Variants in RRP1 observed in about 807,000 individuals in gnomAD.
RRP1 encodes the protein ribosomal RNA processing 1.
Under a neutral mutation model 54.6 loss-of-function variants are expected in RRP1, and 37 were observed. The observed-to-expected ratio is 0.68, with a 90% CI of 0.52 to 0.89. RRP1 has a LOEUF of 0.89. RRP1 is among the 40% of genes least tolerant of loss of function. The pLI is 0.00. For synonymous variants in RRP1, 262 were observed against 244.3 expected, an observed-to-expected ratio of 1.07 and a Z score of -0.67; for missense variants, 639 against 612.5, an observed-to-expected ratio of 1.04 and a Z score of -0.46.
chr21:43,792,785 T>G lies in RRP1; in HGVS notation c.274+56T>G. 4.4e-6 allele frequency: 7 copies of G among 1,573,474 alleles called. No individual in the cohort carries two copies. The South Asian group carries it at 7.8e-5, about 17-fold the overall frequency. On this transcript the variant is annotated intron_variant, in intron 3 of 12. Coordinates refer to ENST00000497547, the MANE Select transcript of RRP1 (RefSeq NM_003683.6). ...TTGTAGATGTCAGAACCTCTGAGCA[T>G]CAGAGCCACCAGACCCAGGAGGTTT...
At chr21:43,798,168 C>A in intron 8 of RRP1, 68 bp downstream of exon 8, 1 of 1,404,756 alleles carries the variant, frequency 7.1e-7, no homozygotes, top group Non-Finnish European at 9.6e-7. Context: ...CGATCTCCTG[C>A]TGGGTTGCTC....
At chr21:43,802,118 G>GGGTACTGAA (rs1303560553) in intron 11 of RRP1, 156 bp from the exon 12 acceptor site, 14 of 601,986 alleles carry the variant, frequency 2.3e-5, no homozygotes, top group Non-Finnish European at 4.2e-5. Context: ...CAGCTGTGGC[G>GGGTACTGAA]GGTACTGAAC....
chr21:43,795,172 C>A lies in RRP1; in HGVS notation c.361-17C>A. On this transcript the variant is annotated splice_polypyrimidine_tract_variant and intron_variant, in intron 4 of 12. Coordinates refer to ENST00000497547, the MANE Select transcript of RRP1 (RefSeq NM_003683.6). ...GGGCTGGGCTTCTGCTAATGCCAAC[C>A]TCCTTCTGTGTCAAAGCTCATGCGG... The A allele has an allele frequency of 6.2e-7, 1 of 1,613,314 alleles. No homozygotes were observed. Among genetic ancestry groups the A allele is most frequent in the Non-Finnish European group, 8.5e-7 (1 of 1,179,322 alleles).
In RRP1 at chr21:43,803,892, C is replaced by T. The variant is rs1188848839; in HGVS notation, c.*118C>T. Reference sequence around the variant, plus strand: ...GTGGCTCCAGAACTCCTGTGCCAGGCGGGAGGGAAGGGCGGCACTGGAGAG... The same window carrying T: ...GTGGCTCCAGAACTCCTGTGCCAGGTGGGAGGGAAGGGCGGCACTGGAGAG... On this transcript the variant is annotated 3_prime_UTR_variant, in exon 13 of 13. Transcript: ENST00000497547. 1.6e-5 allele frequency: 21 copies of T among 1,293,176 alleles called. No individual in the cohort carries two copies. The highest frequency in any genetic ancestry group is 3.4e-5 in the South Asian group (2 of 59,352). 80.1% of individuals were successfully genotyped at this position (1,293,176 alleles called of 1,614,324 possible).
In RRP1 at chr21:43,800,737, A is replaced by G. The variant is rs897597056; in HGVS notation, c.989+123A>G. ...AGCCCCCGGGGTGATCCCCGCTAGG[A>G]CCCTGAGACCGTCCCCAGCCCCTGG... On this transcript the variant is annotated intron_variant, in intron 10 of 12. Transcript: ENST00000497547. The G allele has an allele frequency of 2.4e-5, 36 of 1,476,250 alleles. No homozygotes were observed. The African/African-American group carries it at 6.4e-4, about 26-fold the overall frequency. 91.4% of individuals were successfully genotyped at this position (1,476,250 alleles called of 1,614,324 possible). A position where few individuals can be genotyped will look rare whatever the true frequency, so the allele number is the denominator to read the frequency against.
intron 8 of RRP1, among the ~76,000 whole-genome samples, chr21:43,798,710 C>T (rs2085050599): frequency 6.6e-6 from 1 of 152,064 alleles, no homozygotes; most frequent in Admixed American, 6.5e-5. Flanking sequence ...CCTCTGTGGG[C>T]AGCCGTGGGG....
At chr21:43,802,547 G>A (rs2085105684) in intron 12 of RRP1, 160 bp downstream of exon 12, 2 of 632,390 alleles carry the variant, frequency 3.2e-6, no homozygotes, top group African/African-American at 1.8e-5. Flanking sequence ...CCCTGTCCTC[G>A]GCATCCCTCC....
At chr21:43,799,380 T>G (rs1422209120) in intron 8 of RRP1, among the ~76,000 whole-genome samples, 190 bp from the exon 9 acceptor site, 1 of 91,746 alleles carries the variant, frequency 1.1e-5, no homozygotes, top group African/African-American at 5.1e-5. Context: ...AGTATCTGCC[T>G]TGAGCTGTGG....
In RRP1 at chr21:43,789,772, G is replaced by C. The variant is rs2084937544; in HGVS notation, c.133+10G>C. On this transcript the variant is annotated intron_variant, in intron 1 of 12. Transcript: ENST00000497547. ...ACTCAGCGGGCCGCAGGTTGGCGGG[G>C]GTGTGGGCGGCTGGCGTCTCGGGGG... 1 of 1,509,864 alleles carries C rather than the reference G, an allele frequency of 6.6e-7. No individual in the cohort carries two copies. Among genetic ancestry groups the C allele is most frequent in the South Asian group, 1.2e-5 (1 of 81,082 alleles). The allele number at this position is 1,509,864 out of a possible 1,614,324, so 93.5% of individuals were successfully genotyped here.
intron 11 of RRP1, 167 bp from the exon 12 acceptor site, chr21:43,802,107 T>A: frequency 1.7e-6 from 1 of 592,798 alleles, no homozygotes; most frequent in Non-Finnish European, 3.0e-6. Flanking sequence ...CTGGTTCGTT[T>A]CAGCTGTGGC....
chr21:43,792,026 A>G (rs889807733), intron 2 of RRP1, among the ~76,000 whole-genome samples: 29 of 152,302 alleles, frequency 1.9e-4, no homozygotes, highest in Non-Finnish European at 3.1e-4. Flanking sequence ...AATAGTGGAA[A>G]CCACGGGGCG....
chr21:43,792,114 C>G (rs1601866093), intron 2 of RRP1, among the ~76,000 whole-genome samples: 1 of 152,178 alleles, frequency 6.6e-6, no homozygotes, highest in South Asian at 2.1e-4. Context: ...GAATTTTGTG[C>G]TCTCCTTCAA....
rs866078126 is a variant in RRP1, at chr21:43,793,009, A to C, written c.274+280A>C. Reference sequence around the variant, plus strand: ...GTGAAAAGCCAGGATAATGTCACCAAGAGATTGGACTGAATTCCGCCTGAT... The same window carrying C: ...GTGAAAAGCCAGGATAATGTCACCACGAGATTGGACTGAATTCCGCCTGAT... On this transcript the variant is annotated intron_variant, in intron 3 of 12. Coordinates refer to ENST00000497547, the MANE Select transcript of RRP1 (RefSeq NM_003683.6). 10 of 560,810 alleles carry C rather than the reference A, an allele frequency of 1.8e-5. No individual in the cohort carries two copies. The African/African-American group carries it at 1.9e-4, about 11-fold the overall frequency. 34.7% of individuals were successfully genotyped at this position (560,810 alleles called of 1,614,324 possible). A position where few individuals can be genotyped will look rare whatever the true frequency, so the allele number is the denominator to read the frequency against.
At chr21:43,794,479 G>A (rs920782993) in intron 4 of RRP1, among the ~76,000 whole-genome samples, 1 of 152,194 alleles carries the variant, frequency 6.6e-6, no homozygotes, top group African/African-American at 2.4e-5. Context: ...TGGGGGATAG[G>A]CCTCCTGTGT....
chr21:43,793,267 A>G, intron 3 of RRP1, 52 bp from the exon 4 acceptor site: 1 of 1,539,292 alleles, frequency 6.5e-7, no homozygotes, highest in Non-Finnish European at 9.0e-7. Flanking sequence ...CTCCCTCCCC[A>G]GAGTGGCTTC....
intron 2 of RRP1, 135 bp downstream of exon 2, chr21:43,791,567 A>G (rs563128859): frequency 1.2e-5 from 9 of 750,880 alleles, no homozygotes; most frequent in Admixed American, 7.7e-5. Flanking sequence ...CAGTGGCTCA[A>G]TCTCGGCTTA....
intron 4 of RRP1, among the ~76,000 whole-genome samples, chr21:43,794,829 G>C (rs2123411150): frequency 6.6e-6 from 1 of 152,354 alleles, no homozygotes; most frequent in Non-Finnish European, 1.5e-5. Flanking sequence ...CGTGGGGGTA[G>C]CCGTGCCTCT....
intron 12 of RRP1, 140 bp downstream of exon 12, chr21:43,802,527 C>T (rs1330442507): frequency 1.5e-6 from 1 of 672,624 alleles, no homozygotes; most frequent in Non-Finnish European, 2.7e-6. Context: ...ATCCACGCAT[C>T]CCGGAAATGC....
At chr21:43,798,942 G>T (rs936613075) in intron 8 of RRP1, among the ~76,000 whole-genome samples, 1 of 131,656 alleles carries the variant, frequency 7.6e-6, no homozygotes, top group African/African-American at 2.9e-5. Context: ...CGGCCACCCT[G>T]TATGCTTCTC....
Sources: allele counts gnomAD v4.1 joint callset (sites outside exome capture counted in the v4.1 genomes callset), GRCh38; gene constraint gnomAD v4.1.1; transcripts MANE v1.5; gene names NCBI Gene and HGNC (gene_info 2026-07-23, HGNC 2026-07-21).